TAOK1: variants seen among roughly 807,000 people sequenced by gnomAD.
The protein encoded by TAOK1 is serine/threonine-protein kinase TAO1.
A neutral mutation model predicts 138.3 loss-of-function variants in TAOK1; 21 were observed. The observed-to-expected ratio is 0.15, with a 90% CI of 0.11 to 0.22. TAOK1 has a LOEUF of 0.22. Ranked by LOEUF, TAOK1 falls within the 10% of genes least tolerant of loss-of-function variation. The probability of loss-of-function intolerance (pLI) is 1.00; values close to 1 mark genes in which losing one functional copy is unlikely to be tolerated. For synonymous variants in TAOK1, 361 were observed against 398.4 expected (o/e 0.91, Z 1.12); for missense variants, 651 against 1,227.7 (o/e 0.53, Z 7.02).
chr17:29,430,510 C>T lies in TAOK1; in HGVS notation c.-94-20945C>T, dbSNP rs183450456. Among the ~76,000 whole-genome samples the T allele has an allele frequency of 5.9e-5, 9 of 152,310 alleles. No individual in the cohort carries two copies. In the East Asian group the frequency reaches 1.3e-3, roughly 23 times the overall value. ...TAGGGTGAAGTTACAAAGTTGCAAA[C>T]GAAGACTCCACCAGCAATCAGTCTG... On this transcript the variant is annotated intron_variant, in intron 1 of 19. Coordinates refer to ENST00000261716, the MANE Select transcript of TAOK1 (RefSeq NM_020791.4).
At chr17:29,391,142 A>C (rs1457532135) in intron 1 of TAOK1, 118 bp downstream of exon 1, 1 of 151,764 alleles carries the variant, frequency 6.6e-6, no homozygotes, top group Non-Finnish European at 1.5e-5. Flanking sequence ...GGAGAAAAGG[A>C]GGGTCTGTGA....
intron 1 of TAOK1, among the ~76,000 whole-genome samples, chr17:29,396,261 G>A (rs543822898): frequency 1.3e-5 from 2 of 152,244 alleles, no homozygotes; most frequent in South Asian, 4.1e-4. Context: ...GCCAGAAGCA[G>A]ACTTTTTGTT....
chr17:29,480,179 T>C (rs2031031140), intron 6 of TAOK1, 189 bp from the exon 7 acceptor site: 1 of 378,856 alleles, frequency 2.6e-6, no homozygotes, highest in Non-Finnish European at 4.7e-6. Flanking sequence ...ATATGTTTAT[T>C]TGAATTCTGT....
chr17:29,517,437 T>C lies in TAOK1; in HGVS notation c.1705-16T>C. On this transcript the variant is annotated splice_polypyrimidine_tract_variant and intron_variant, in intron 15 of 19. Transcript: ENST00000261716. ...GCCAGGCCTATTTTTACCTGAGTTG[T>C]TTTTTATGTTGCCAGGAGCTAAATG... 3 of 1,611,552 alleles carry C rather than the reference T, an allele frequency of 1.9e-6. No homozygotes were observed. The highest frequency in any genetic ancestry group is 1.7e-6 in the Non-Finnish European group (2 of 1,179,446).
At chr17:29,428,698 A>C (rs953082693) in intron 1 of TAOK1, among the ~76,000 whole-genome samples, 1 of 152,036 alleles carries the variant, frequency 6.6e-6, no homozygotes, top group African/African-American at 2.4e-5. Flanking sequence ...CAGTGGGTTA[A>C]CTGCAGCCTC....
intron 9 of TAOK1, among the ~76,000 whole-genome samples, chr17:29,490,900 G>A (rs1001285839): frequency 1.3e-5 from 2 of 152,122 alleles, no homozygotes; most frequent in Non-Finnish European, 2.9e-5. Flanking sequence ...AGGAGAGAGA[G>A]AACCCTCTCC....
chr17:29,483,393 G>A (rs1459318248), intron 8 of TAOK1, among the ~76,000 whole-genome samples: 1 of 152,128 alleles, frequency 6.6e-6, no homozygotes, highest in Non-Finnish European at 1.5e-5. Context: ...ATTCTAAAAG[G>A]AGTGACTAAG....
intron 19 of TAOK1, among the ~76,000 whole-genome samples, chr17:29,537,856 G>A (rs1028026132): frequency 3.3e-5 from 5 of 152,196 alleles, no homozygotes; most frequent in Admixed American, 6.5e-5. Flanking sequence ...GCTCACGCCT[G>A]TAATCCCAGC....
chr17:29,457,209 C>G (rs2030404469), intron 2 of TAOK1, among the ~76,000 whole-genome samples: 1 of 146,576 alleles, frequency 6.8e-6, no homozygotes, highest in Non-Finnish European at 1.5e-5. Flanking sequence ...AAGCACCCCT[C>G]CCACCTCAGC....
At chr17:29,524,613 T>C (rs2031976447) in intron 17 of TAOK1, among the ~76,000 whole-genome samples, 1 of 152,226 alleles carries the variant, frequency 6.6e-6, no homozygotes. Context: ...TTTCCTCATA[T>C]TTAGGTGTAT....
intron 14 of TAOK1, 69 bp downstream of exon 14, chr17:29,508,201 A>G (rs1454642377): frequency 1.5e-6 from 2 of 1,347,260 alleles, no homozygotes; most frequent in African/African-American, 1.4e-5. Flanking sequence ...CCAACATGGC[A>G]GTTTGATGTT....
chr17:29,534,050 A>G lies in TAOK1; in HGVS notation c.2362-68A>G, dbSNP rs538131684. The G allele has an allele frequency of 7.4e-5, 107 of 1,443,398 alleles. 1 individual carries two copies. In the East Asian group the frequency reaches 2.4e-3, roughly 33 times the overall value. The allele number at this position is 1,443,398 out of a possible 1,614,324, so 89.4% of individuals were successfully genotyped here. ...TCTTCTAACACTCCTCCTCCTTTCC[A>G]TAGGTCATGAATTGATAGCTAACAT... On this transcript the variant is annotated intron_variant, in intron 18 of 19. Transcript: ENST00000261716.
At chr17:29,469,931 C>T (rs1426602838) in intron 3 of TAOK1, among the ~76,000 whole-genome samples, 6 of 152,068 alleles carry the variant, frequency 3.9e-5, no homozygotes, top group South Asian at 2.1e-4. Flanking sequence ...CACAAAACAC[C>T]GGAACATATT....
At chr17:29,436,131 A>G (rs1488346136) in intron 1 of TAOK1, among the ~76,000 whole-genome samples, 1 of 152,262 alleles carries the variant, frequency 6.6e-6, no homozygotes, top group Non-Finnish European at 1.5e-5. Flanking sequence ...ACTCTGTCTC[A>G]AAAATAAATA....
chr17:29,433,125 T>A (rs1568373), intron 1 of TAOK1, among the ~76,000 whole-genome samples: 1 of 151,778 alleles, frequency 6.6e-6, no homozygotes, highest in Non-Finnish European at 1.5e-5. Context: ...AGTTTGAGTC[T>A]CAGTTATAGG....
intron 2 of TAOK1, among the ~76,000 whole-genome samples, chr17:29,460,572 GA>G (rs1265359652): frequency 6.6e-6 from 1 of 152,172 alleles, no homozygotes; most frequent in Non-Finnish European, 1.5e-5. Flanking sequence ...GATGTAATGG[GA>G]GAAAAGAAAG....
intron 1 of TAOK1, among the ~76,000 whole-genome samples, chr17:29,433,743 C>T (rs1905931238): frequency 6.6e-6 from 1 of 152,176 alleles, no homozygotes; most frequent in Admixed American, 6.5e-5. Flanking sequence ...TGGCATGAAC[C>T]TCCTGAGGCT....
chr17:29,451,385 A>T, intron 1 of TAOK1, 70 bp from the exon 2 acceptor site: 2 of 721,788 alleles, frequency 2.8e-6, no homozygotes, highest in Non-Finnish European at 4.3e-6. Context: ...GTAGATCAGT[A>T]TATGACCTTA....
rs1388334262 is a variant in TAOK1, at chr17:29,409,329, ATATATTT to A, written c.-95+18307_-95+18313del. ...TGGACATATATATATATATATATAT[ATATATTT>A]TTTTTTTTTTTTTTTTGAGATGGAG... On this transcript the variant is annotated intron_variant, in intron 1 of 19. Coordinates refer to ENST00000261716, the MANE Select transcript of TAOK1 (RefSeq NM_020791.4). Among the ~76,000 whole-genome samples, 315 of 87,312 alleles carry A rather than the reference ATATATTT, an allele frequency of 3.6e-3. 1 individual carries two copies. The highest frequency in any genetic ancestry group is 0.014 in the African/African-American group (270 of 18,696). The allele number at this position is 87,312 out of a possible 152,430, so 57.3% of individuals were successfully genotyped here. A position where few individuals can be genotyped will look rare whatever the true frequency, so the allele number is the denominator to read the frequency against.
Sources: gnomAD v4.1 joint callset for allele counts (sites outside exome capture counted in the v4.1 genomes callset) on GRCh38, gnomAD v4.1.1 for gene constraint, MANE v1.5 for transcripts, NCBI Gene and HGNC (gene_info 2026-07-23, HGNC 2026-07-21) for gene names.